ZNF609: variants seen among roughly 807,000 people sequenced by gnomAD.
ZNF609 encodes the protein zinc finger protein 609.
ZNF609 carries 11 observed loss-of-function variants against 109.5 expected under a neutral mutation model. That is an observed-to-expected ratio of 0.10 (90% confidence interval 0.06 to 0.17). ZNF609 has a LOEUF of 0.17. Ranked by LOEUF, ZNF609 falls within the 10% of genes least tolerant of loss-of-function variation. The probability of loss-of-function intolerance (pLI) is 1.00; values close to 1 mark genes in which losing one functional copy is unlikely to be tolerated. For missense variants in ZNF609, 1,559 were observed against 1,772.4 expected (o/e 0.88, Z 2.16); for synonymous variants, 646 against 662.0 (o/e 0.98, Z 0.37).
intron 3 of ZNF609, among the ~76,000 whole-genome samples, chr15:64,640,727 T>G (rs1184952101): frequency 6.6e-6 from 1 of 152,208 alleles, no homozygotes; most frequent in African/African-American, 2.4e-5. Context: ...GGACTCCAGC[T>G]GTATAGCCAA....
chr15:64,550,052 A>G (rs549931940), intron 2 of ZNF609, among the ~76,000 whole-genome samples: 37 of 152,108 alleles, frequency 2.4e-4, no homozygotes, highest in African/African-American at 8.4e-4. Flanking sequence ...ACTTCCCTCA[A>G]TGGATCCTCT....
chr15:64,651,125 A>T (rs1896410061), intron 3 of ZNF609, among the ~76,000 whole-genome samples: 1 of 152,160 alleles, frequency 6.6e-6, no homozygotes, highest in African/African-American at 2.4e-5. Context: ...ACATATATAC[A>T]CATGAACATC....
At position 64,635,341 on chromosome 15, in the gene ZNF609, G is replaced by T. The variant is rs75566024; in HGVS notation, c.973+12289G>T. ...AATAAATATCTTACTGGTATTGCCTGGGATTAATCATTAGCCCTAACTAAC... is the reference window on the plus strand; with the variant it reads ...AATAAATATCTTACTGGTATTGCCTTGGATTAATCATTAGCCCTAACTAAC... On this transcript the variant is annotated intron_variant, in intron 3 of 9. Coordinates refer to ENST00000326648, the MANE Select transcript of ZNF609 (RefSeq NM_015042.2). Among the ~76,000 whole-genome samples the T allele has an allele frequency of 7.0e-4, 106 of 152,282 alleles. 1 individual carries two copies. The highest frequency in any genetic ancestry group is 2.5e-3 in the African/African-American group (105 of 41,564).
At chr15:64,661,868 T>C (rs1364289290) in intron 3 of ZNF609, among the ~76,000 whole-genome samples, 2 of 152,234 alleles carry the variant, frequency 1.3e-5, no homozygotes, top group Non-Finnish European at 2.9e-5. Context: ...GAATGAATTA[T>C]TTGTCTACCT....
intron 2 of ZNF609, among the ~76,000 whole-genome samples, chr15:64,621,009 A>C (rs1386125309): frequency 1.3e-5 from 2 of 152,206 alleles, no homozygotes; most frequent in Non-Finnish European, 2.9e-5. Flanking sequence ...GAATGTCTCT[A>C]TTAAAGGACT....
rs79157343 is a variant in ZNF609, at chr15:64,503,573, G to C, written c.747+3407G>C. On this transcript the variant is annotated intron_variant, in intron 2 of 9. Transcript: ENST00000326648. ...CGATCTATCTGTGCTGACTTTGTCA[G>C]GGCTTACGACCAGGAGTTTAAGGTG... Among the ~76,000 whole-genome samples, 68 of 152,296 alleles carry C rather than the reference G, an allele frequency of 4.5e-4. 1 individual carries two copies. In the East Asian group the frequency reaches 0.012, roughly 26 times the overall value.
At chr15:64,654,070 C>G (rs1441453520) in intron 3 of ZNF609, 2 of 152,210 alleles carry the variant, frequency 1.3e-5, no homozygotes, top group Non-Finnish European at 2.9e-5. Context: ...GACAGAGTCT[C>G]ACTCTGCCGC....
At position 64,656,496 on chromosome 15, in the gene ZNF609, C is replaced by T. The variant is rs536097022; in HGVS notation, c.974-13850C>T. ...CTACTCTCTGACACATGCCTCAGTT[C>T]TTCACTTGTGGTTTGGTCTCACTCT... On this transcript the variant is annotated intron_variant, in intron 3 of 9. Transcript: ENST00000326648. Among the ~76,000 whole-genome samples, 4 of 152,282 alleles carry T rather than the reference C, an allele frequency of 2.6e-5. No homozygotes were observed. In the South Asian group the frequency reaches 8.3e-4, roughly 32 times the overall value.
intron 3 of ZNF609, among the ~76,000 whole-genome samples, chr15:64,633,163 T>G (rs973464235): frequency 6.6e-6 from 1 of 150,820 alleles, no homozygotes; most frequent in African/African-American, 2.5e-5. Context: ...TGTTTTGTTT[T>G]TTGACACAGG....
intron 2 of ZNF609, among the ~76,000 whole-genome samples, chr15:64,547,983 T>C (rs1449068731): frequency 6.6e-6 from 1 of 152,138 alleles, no homozygotes; most frequent in East Asian, 1.9e-4. Context: ...CAGGAAAAAG[T>C]ACTAATTCAT....
rs1595758644 is a variant in ZNF609, at chr15:64,669,587, A to G, written c.974-759A>G. On this transcript the variant is annotated intron_variant, in intron 3 of 9. Transcript: ENST00000326648. ...CATTTTATATTAGGGTTTGTTGGAG[A>G]TTTTTTTTGGTTGAGGTGTGGGGAC... Among the ~76,000 whole-genome samples the G allele has an allele frequency of 4.6e-5, 7 of 152,010 alleles. No individual in the cohort carries two copies. The South Asian group carries it at 1.5e-3, about 32-fold the overall frequency.
At chr15:64,464,533 TTTC>T (rs1892984355) in intron 1 of ZNF609, among the ~76,000 whole-genome samples, 1 of 152,184 alleles carries the variant, frequency 6.6e-6, no homozygotes, top group African/African-American at 2.4e-5. Flanking sequence ...TGTGGGAAGT[TTTC>T]TTTTCAGTCT....
intron 2 of ZNF609, among the ~76,000 whole-genome samples, chr15:64,615,668 G>C (rs1385478259): frequency 6.6e-6 from 1 of 151,974 alleles, no homozygotes; most frequent in African/African-American, 2.4e-5. Context: ...TGTACTTATA[G>C]TAGAGACGGG....
At chr15:64,489,472 G>C (rs951585171) in intron 1 of ZNF609, among the ~76,000 whole-genome samples, 2 of 150,696 alleles carry the variant, frequency 1.3e-5, no homozygotes, top group African/African-American at 4.9e-5. Flanking sequence ...GAGCCACTGT[G>C]CCTGGCACAA....
chr15:64,546,195 G>A (rs1411875850), intron 2 of ZNF609, among the ~76,000 whole-genome samples: 15 of 152,092 alleles, frequency 9.9e-5, no homozygotes, highest in Admixed American at 9.8e-4. Context: ...TTTTCAAGTG[G>A]CTATACATCT....
chr15:64,584,219 A>T (rs1202038245), intron 2 of ZNF609, among the ~76,000 whole-genome samples: 1 of 152,168 alleles, frequency 6.6e-6, no homozygotes, highest in Non-Finnish European at 1.5e-5. Flanking sequence ...GCACTTTGGG[A>T]GGCCGAGGCA....
chr15:64,646,426 T>C (rs946306604), intron 3 of ZNF609, among the ~76,000 whole-genome samples: 14 of 150,722 alleles, frequency 9.3e-5, no homozygotes, highest in African/African-American at 3.4e-4. Context: ...AGGTCAGGAG[T>C]TCGAGACCAG....
At chr15:64,559,735 G>A (rs961860803) in intron 2 of ZNF609, among the ~76,000 whole-genome samples, 1 of 152,126 alleles carries the variant, frequency 6.6e-6, no homozygotes, top group Non-Finnish European at 1.5e-5. Flanking sequence ...AGCACTGAGT[G>A]GTCGCTCAAT....
chr15:64,538,360 A>G (rs1302224279), intron 2 of ZNF609, among the ~76,000 whole-genome samples: 1 of 152,212 alleles, frequency 6.6e-6, no homozygotes, highest in Non-Finnish European at 1.5e-5. Flanking sequence ...ATGTAAAATA[A>G]TTCTTCTCCA....
Sources: gnomAD v4.1 joint callset for allele counts (sites outside exome capture counted in the v4.1 genomes callset) on GRCh38, gnomAD v4.1.1 for gene constraint, MANE v1.5 for transcripts, NCBI Gene and HGNC (gene_info 2026-07-23, HGNC 2026-07-21) for gene names.